PPP1R13B: variants seen among roughly 807,000 people sequenced by gnomAD.
PPP1R13B encodes protein phosphatase 1 regulatory subunit 13B, also known as apoptosis-stimulating of p53 protein 1.
Under a neutral mutation model 119.8 loss-of-function variants are expected in PPP1R13B, and 44 were observed. That is an observed-to-expected ratio of 0.37 (90% confidence interval 0.29 to 0.47). PPP1R13B has a LOEUF of 0.47. PPP1R13B is among the 20% of genes least tolerant of loss of function. The probability of loss-of-function intolerance (pLI) is 0.99; values close to 1 mark genes in which losing one functional copy is unlikely to be tolerated. For missense variants in PPP1R13B, 1,227 were observed against 1,413.5 expected, an observed-to-expected ratio of 0.87 and a Z score of 2.12; for synonymous variants, 542 against 561.5, an observed-to-expected ratio of 0.97 and a Z score of 0.49.
At chr14:103,770,086 G>T (rs1414403713) in intron 4 of PPP1R13B, among the ~76,000 whole-genome samples, 1 of 151,142 alleles carries the variant, frequency 6.6e-6, no homozygotes, top group Non-Finnish European at 1.5e-5. Flanking sequence ...CAGAAATGAG[G>T]TCTACTCTGT....
At chr14:103,784,522 G>A (rs2085406308) in intron 3 of PPP1R13B, among the ~76,000 whole-genome samples, 1 of 144,240 alleles carries the variant, frequency 6.9e-6, no homozygotes, top group Non-Finnish European at 1.5e-5. Flanking sequence ...GGTGGAGGTT[G>A]CAGTGAGCCA....
At chr14:103,762,396 T>C (rs1338905866) in intron 4 of PPP1R13B, among the ~76,000 whole-genome samples, 1 of 144,984 alleles carries the variant, frequency 6.9e-6, no homozygotes, top group Non-Finnish European at 1.5e-5. Flanking sequence ...TTCAGCCAAA[T>C]TACTTCATTA....
Position 103,784,862 on chromosome 14 carries a change from A to C in PPP1R13B, c.210T>G (p.Gly70=). The C allele has an allele frequency of 3.7e-6, 6 of 1,608,082 alleles. No individual in the cohort carries two copies. The highest frequency in any genetic ancestry group is 5.1e-6 in the Non-Finnish European group (6 of 1,175,632). ...HMMYEHLQKW[G]PRREEVKFFL... is the part of the protein sequence containing the mutation. ...AAAATTTCACTTCTTCCCTCCGTGGACCCCATTTCTGAAGATGTTCGTACA... is the reference window on the plus strand; with the variant it reads ...AAAATTTCACTTCTTCCCTCCGTGGCCCCCATTTCTGAAGATGTTCGTACA... Residue 70 remains glycine (G), a synonymous_variant, in exon 3 of 17, where the codon GGT becomes GGG. Coordinates refer to ENST00000202556, the MANE Select transcript of PPP1R13B (RefSeq NM_015316.3).
In PPP1R13B at chr14:103,754,166, A is replaced by G. The variant is rs1384323243; in HGVS notation, c.535T>C (p.Leu179=). The change falls in exon 6 of 17, where the codon TTG becomes CTG. Residue 179 remains leucine, a synonymous_variant. Transcript: ENST00000202556. ...SISENEKLQK[L]KERVEAQENK... ...TCCTGGGCTTCAACTCGTTCTTTCA[A>G]TTTCTGAAGCTTTTCATTTTCAGAA... 1.7e-5 allele frequency: 27 copies of G among 1,613,852 alleles called. No individual in the cohort carries two copies. Among genetic ancestry groups the G allele is most frequent in the Non-Finnish European group, 2.0e-5 (24 of 1,180,008 alleles).
At chr14:103,829,027 AGT>A (rs1415671949) in intron 1 of PPP1R13B, among the ~76,000 whole-genome samples, 4 of 152,340 alleles carry the variant, frequency 2.6e-5, no homozygotes, top group East Asian at 3.9e-4. Flanking sequence ...AAAATAATCC[AGT>A]GTGTTAAATA....
intron 1 of PPP1R13B, among the ~76,000 whole-genome samples, chr14:103,843,862 A>G (rs928273092): frequency 6.6e-5 from 10 of 151,966 alleles, no homozygotes; most frequent in Admixed American, 6.6e-4. Context: ...CTGAGGCAGA[A>G]GAATCACTTG....
rs374546706 is a variant in PPP1R13B, at chr14:103,789,799, C to A, written c.158-4885G>T. 3.3e-3 allele frequency among the ~76,000 whole-genome samples: 497 copies of A among 151,010 alleles called. 3 individuals carry two copies. The highest frequency in any genetic ancestry group is 0.011 in the African/African-American group (469 of 41,266). The stretch of plus-strand genomic sequence containing the variant: ...AAAGTGCTGAGATTACAGGTGTGGG[C>A]CACTGTGCCCAGCCTGCAATTCTTG... On this transcript the variant is annotated intron_variant, in intron 2 of 16. Transcript: ENST00000202556.
In PPP1R13B at chr14:103,734,743, G is replaced by A. The variant is rs954500006; in HGVS notation, c.*411C>T. ...TGTCCGATTCGGTGACGGGGGGCAGGGCGGTCGCAGGGGAGCAGGCCTCAC... is the reference window on the plus strand; with the variant it reads ...TGTCCGATTCGGTGACGGGGGGCAGAGCGGTCGCAGGGGAGCAGGCCTCAC... On this transcript the variant is annotated 3_prime_UTR_variant, in exon 17 of 17. Transcript: ENST00000202556. 2 of 462,670 alleles carry A rather than the reference G, an allele frequency of 4.3e-6. No individual in the cohort carries two copies. Among genetic ancestry groups the A allele is most frequent in the East Asian group, 6.8e-5 (1 of 14,754 alleles). The allele number at this position is 462,670 out of a possible 1,614,324, so 28.7% of individuals were successfully genotyped here. A position where few individuals can be genotyped will look rare whatever the true frequency, so the allele number is the denominator to read the frequency against.
At position 103,735,899 on chromosome 14, in the gene PPP1R13B, T is replaced by C. The variant is rs2084095984; in HGVS notation, c.3231+104A>G. On this transcript the variant is annotated intron_variant, in intron 16 of 16. Transcript: ENST00000202556. ...CCTCTACAGAGGGGGCTGCTGAGGC[T>C]CAGAGAAGCGAAGCCTCCCTCCCCA... 4 of 1,287,606 alleles carry C rather than the reference T, an allele frequency of 3.1e-6. No homozygotes were observed. In the Admixed American group the frequency reaches 6.1e-5, roughly 20 times the overall value. The allele number at this position is 1,287,606 out of a possible 1,614,324, so 79.8% of individuals were successfully genotyped here. A position where few individuals can be genotyped will look rare whatever the true frequency, so the allele number is the denominator to read the frequency against.
chr14:103,842,058 A>C (rs937755659), intron 1 of PPP1R13B, among the ~76,000 whole-genome samples: 2 of 152,156 alleles, frequency 1.3e-5, no homozygotes, highest in African/African-American at 4.8e-5. Flanking sequence ...AAAGAGAAAA[A>C]CCTATTCTAG....
intron 12 of PPP1R13B, 101 bp downstream of exon 12, chr14:103,739,723 C>T (rs2084203400): frequency 1.5e-6 from 2 of 1,361,168 alleles, no homozygotes; most frequent in South Asian, 1.5e-5. Context: ...ATCCCTGGTT[C>T]CCACTGCTCC....
chr14:103,771,621 C>T (rs980769006), intron 4 of PPP1R13B, among the ~76,000 whole-genome samples: 3 of 151,714 alleles, frequency 2.0e-5, no homozygotes, highest in Admixed American at 6.6e-5. Flanking sequence ...GTTGGGATTA[C>T]AGGCGCCTGC....
chr14:103,820,885 TA>T (rs1284158213), intron 1 of PPP1R13B, among the ~76,000 whole-genome samples: 1 of 152,102 alleles, frequency 6.6e-6, no homozygotes, highest in African/African-American at 2.4e-5. Flanking sequence ...CTATAGTCAC[TA>T]AAGTTGTTTG....
chr14:103,759,842 T>C (rs772886925), intron 4 of PPP1R13B, among the ~76,000 whole-genome samples: 2 of 152,210 alleles, frequency 1.3e-5, no homozygotes, highest in Non-Finnish European at 2.9e-5. Context: ...TTTACTTACC[T>C]AAACCAAAAA....
intron 16 of PPP1R13B, 76 bp downstream of exon 16, chr14:103,735,927 C>T (rs2084097079): frequency 4.7e-6 from 7 of 1,495,164 alleles, no homozygotes; most frequent in Middle Eastern, 4.5e-4. Flanking sequence ...CCTCCCCAGC[C>T]CCACAGCAGG....
chr14:103,799,336 G>A (rs1175363053), intron 1 of PPP1R13B, among the ~76,000 whole-genome samples: 3 of 151,976 alleles, frequency 2.0e-5, no homozygotes, highest in Non-Finnish European at 2.9e-5. Context: ...ACGTCACTAC[G>A]CCCGGCTAAT....
rs115976803 is a variant in PPP1R13B at position 103,807,795 on chromosome 14, C to T, written c.10-10277G>A. Among the ~76,000 whole-genome samples the T allele has an allele frequency of 6.1e-3, 928 of 152,140 alleles. 12 individuals carry two copies. The highest frequency in any genetic ancestry group is 0.021 in the African/African-American group (871 of 41,494). On this transcript the variant is annotated intron_variant, in intron 1 of 16. Coordinates refer to ENST00000202556, the MANE Select transcript of PPP1R13B (RefSeq NM_015316.3). ...AGGCGTGAGGCACCACACCTGGCCA[C>T]GAAATGTCTTTTTATAGTAGGTTTC...
In PPP1R13B at chr14:103,740,712, TATTC is replaced by T. The variant is rs1418451668; in HGVS notation, c.1823-123_1823-120del. On this transcript the variant is annotated intron_variant, in intron 11 of 16. Transcript: ENST00000202556. This position sits in a 1 kb window ranked among gnomAD's most constrained non-coding sequence, Gnocchi z 4.6. ...GACACACATATACATCTGCTGCTGT[TATTC>T]AATTCTCATTTCAAATCTCTGAGGA... 3 of 839,876 alleles carry T rather than the reference TATTC, an allele frequency of 3.6e-6. No individual in the cohort carries two copies. Among genetic ancestry groups the T allele is most frequent in the Admixed American group, 7.3e-5 (2 of 27,220 alleles). The allele number at this position is 839,876 out of a possible 1,614,324, so 52.0% of individuals were successfully genotyped here. A position where few individuals can be genotyped will look rare whatever the true frequency, so the allele number is the denominator to read the frequency against.
In PPP1R13B at chr14:103,784,926, AC is replaced by A; in HGVS notation, c.158-13del. On this transcript the variant is annotated splice_polypyrimidine_tract_variant and intron_variant, in intron 2 of 16. Transcript: ENST00000202556. ...GGGTATGGGACGTTCTAGGAAAAAG[AC>A]CACATCTTTTTTACTCCAGAATTAA... is the stretch of plus-strand genomic sequence containing the variant. 1 of 1,550,992 alleles carries A rather than the reference AC, an allele frequency of 6.4e-7. No homozygotes were observed. The highest frequency in any genetic ancestry group is 1.2e-5 in the South Asian group (1 of 83,392).
Sources: allele counts gnomAD v4.1 joint callset (sites outside exome capture counted in the v4.1 genomes callset), GRCh38; gene constraint gnomAD v4.1.1; non-coding constraint Gnocchi (gnomAD v3.1); transcripts MANE v1.5; gene names NCBI Gene and HGNC (gene_info 2026-07-23, HGNC 2026-07-21).